Variants in ATP9A observed in about 807,000 individuals in gnomAD.
The protein encoded by ATP9A is probable phospholipid-transporting ATPase IIA.
A neutral mutation model predicts 144.1 loss-of-function variants in ATP9A; 52 were observed. That is an observed-to-expected ratio of 0.36 (90% confidence interval 0.29 to 0.45). ATP9A has a LOEUF of 0.45. ATP9A is among the 20% of genes least tolerant of loss of function. ATP9A has a pLI of 1.00. For synonymous variants in ATP9A, 582 were observed against 557.4 expected (o/e 1.04, Z -0.62); for missense variants, 947 against 1,392.7 (o/e 0.68, Z 5.09).
At chr20:51,748,248 C>G (rs932889712) in intron 1 of ATP9A, among the ~76,000 whole-genome samples, 16 of 151,956 alleles carry the variant, frequency 1.1e-4, no homozygotes, top group African/African-American at 3.6e-4. Flanking sequence ...AGTGTGAGAC[C>G]GGCTTGGGTT....
intron 9 of ATP9A, among the ~76,000 whole-genome samples, chr20:51,688,225 C>T (rs967963088): frequency 3.3e-5 from 5 of 152,312 alleles, no homozygotes; most frequent in African/African-American, 1.2e-4. Flanking sequence ...GGCTGCATGC[C>T]GCTGATGTTA....
intron 1 of ATP9A, among the ~76,000 whole-genome samples, chr20:51,754,520 T>G (rs892042350): frequency 6.6e-6 from 1 of 151,152 alleles, no homozygotes; most frequent in Non-Finnish European, 1.5e-5. Flanking sequence ...AAAAGAAGAA[T>G]AAATTTCTTA....
intron 1 of ATP9A, among the ~76,000 whole-genome samples, chr20:51,735,794 G>GT (rs1223829158): frequency 6.6e-6 from 1 of 152,180 alleles, no homozygotes; most frequent in African/African-American, 2.4e-5. Context: ...TGAACACTTA[G>GT]TAACAACAAC....
rs574293754 is a variant in ATP9A at position 51,753,710 on chromosome 20, A to G, written c.68+14592T>C. 5.5e-5 allele frequency among the ~76,000 whole-genome samples: 8 copies of G among 144,996 alleles called. No individual in the cohort carries two copies. The East Asian group carries it at 1.6e-3, about 29-fold the overall frequency. ...GAGACTGAGCCTCGCTCTGTCACCC[A>G]GGCTAGAGAGCAGTGGCACGATCTC... On this transcript the variant is annotated intron_variant, in intron 1 of 27. Transcript: ENST00000338821.
At chr20:51,725,744 C>T in intron 3 of ATP9A, 75 bp downstream of exon 3, 1 of 1,047,030 alleles carries the variant, frequency 9.6e-7, no homozygotes, top group Non-Finnish European at 1.5e-6. Context: ...TTCCAGATGC[C>T]TAAGTGAGAG....
intron 19 of ATP9A, among the ~76,000 whole-genome samples, chr20:51,621,814 G>C (rs1379443653): frequency 6.6e-6 from 1 of 152,080 alleles, no homozygotes; most frequent in Non-Finnish European, 1.5e-5. Context: ...TTCTCAAAGG[G>C]ACCACGACCC....
chr20:51,642,760 A>AAAAAAAAAAAAAAC (rs2077326067), intron 14 of ATP9A, among the ~76,000 whole-genome samples: 1 of 137,152 alleles, frequency 7.3e-6, no homozygotes, highest in Admixed American at 7.6e-5. Context: ...AAAAAAAAAA[A>AAAAAAAAAAAAAAC]AAAACCTGGC....
At chr20:51,652,976 A>G (rs1467370798) in intron 14 of ATP9A, among the ~76,000 whole-genome samples, 1 of 151,856 alleles carries the variant, frequency 6.6e-6, no homozygotes, top group Non-Finnish European at 1.5e-5. Context: ...CGGGCGTGGC[A>G]GCGTGTGCCT....
intron 13 of ATP9A, among the ~76,000 whole-genome samples, chr20:51,664,484 A>C (rs2077424290): frequency 2.6e-5 from 4 of 152,004 alleles, no homozygotes; most frequent in Admixed American, 2.0e-4. Context: ...GCTACTTGGG[A>C]GGCTGGGGTG....
intron 14 of ATP9A, among the ~76,000 whole-genome samples, chr20:51,645,487 C>T (rs1306132513): frequency 6.6e-6 from 1 of 152,040 alleles, no homozygotes; most frequent in East Asian, 1.9e-4. Flanking sequence ...GCCTGGGCGA[C>T]AGAGTGAGAC....
At chr20:51,706,772 C>T (rs2077616361) in intron 4 of ATP9A, among the ~76,000 whole-genome samples, 1 of 152,166 alleles carries the variant, frequency 6.6e-6, no homozygotes, top group Admixed American at 6.5e-5. Context: ...CGAAAAGAAA[C>T]TACAGATTAA....
intron 2 of ATP9A, among the ~76,000 whole-genome samples, chr20:51,728,211 G>A (rs1369415744): frequency 6.6e-6 from 1 of 152,194 alleles, no homozygotes; most frequent in Non-Finnish European, 1.5e-5. Flanking sequence ...AGGAAATGGA[G>A]GAGTGTGGCC....
chr20:51,762,100 C>A (rs1459025999), intron 1 of ATP9A, among the ~76,000 whole-genome samples: 3 of 152,118 alleles, frequency 2.0e-5, no homozygotes, highest in Non-Finnish European at 4.4e-5. Flanking sequence ...GTCAGTGGCT[C>A]ACACCTGTAA....
At chr20:51,654,262 T>TC (rs2077378502) in intron 14 of ATP9A, among the ~76,000 whole-genome samples, 1 of 152,014 alleles carries the variant, frequency 6.6e-6, no homozygotes, top group African/African-American at 2.4e-5. Context: ...AGGAGGAGTC[T>TC]CCCAGGTGAC....
intron 1 of ATP9A, among the ~76,000 whole-genome samples, chr20:51,763,481 T>G (rs2077890813): frequency 6.6e-6 from 1 of 151,762 alleles, no homozygotes; most frequent in East Asian, 1.9e-4. Context: ...CCCAGCTAAT[T>G]TTTTGTATTT....
intron 16 of ATP9A, 88 bp from the exon 17 acceptor site, chr20:51,627,771 C>T (rs970261971): frequency 9.3e-7 from 1 of 1,073,326 alleles, no homozygotes; most frequent in Non-Finnish European, 1.4e-6. Context: ...GGATGTGCCC[C>T]TCCCACAGGG....
At chr20:51,711,777 A>G (rs75165659) in intron 4 of ATP9A, among the ~76,000 whole-genome samples, 2,029 of 138,736 alleles carry the variant, frequency 0.015, 51 homozygotes, top group African/African-American at 0.05. Flanking sequence ...TAAAATGCAC[A>G]TATCTTGCAA....
In ATP9A at chr20:51,744,877, C is replaced by G. The variant is rs8117418; in HGVS notation, c.69-14899G>C. Among the ~76,000 whole-genome samples, 1,196 of 152,328 alleles carry G rather than the reference C, an allele frequency of 7.9e-3. 19 individuals are homozygous for G. Among genetic ancestry groups the G allele is most frequent in the African/African-American group, 0.027 (1,122 of 41,574 alleles). The stretch of plus-strand genomic sequence containing the variant: ...AGATATGGTGGCTCATGCCTGTAAT[C>G]CCAGTACTTTGGGAGGCCGAGGCGG... On this transcript the variant is annotated intron_variant, in intron 1 of 27. Transcript: ENST00000338821.
intron 14 of ATP9A, among the ~76,000 whole-genome samples, chr20:51,650,179 G>A (rs1394659842): frequency 6.6e-6 from 1 of 152,200 alleles, no homozygotes; most frequent in African/African-American, 2.4e-5. Flanking sequence ...TAAAAACTGA[G>A]CTACTAAAAG....
Sources: allele counts gnomAD v4.1 joint callset (sites outside exome capture counted in the v4.1 genomes callset), GRCh38; gene constraint gnomAD v4.1.1; transcripts MANE v1.5; gene names NCBI Gene and HGNC (gene_info 2026-07-23, HGNC 2026-07-21).